SOX6: variants seen among roughly 807,000 people sequenced by gnomAD.
The protein encoded by SOX6 is SRY-box transcription factor 6.
A neutral mutation model predicts 97.8 loss-of-function variants in SOX6; 11 were observed. The ratio of observed to expected loss-of-function variants is 0.11; its 90% confidence interval spans 0.07 to 0.19. SOX6 has a LOEUF of 0.19. Ranked by LOEUF, SOX6 falls within the 10% of genes least tolerant of loss-of-function variation. SOX6 has a pLI of 1.00. For synonymous variants in SOX6, 360 were observed against 371.4 expected (o/e 0.97, Z 0.35); for missense variants, 810 against 1,039.5 (o/e 0.78, Z 3.04).
chr11:16,363,683 T>C (rs1161923237), intron 1 of SOX6, among the ~76,000 whole-genome samples: 1 of 152,180 alleles, frequency 6.6e-6, no homozygotes, highest in Non-Finnish European at 1.5e-5. Context: ...TAAAAGTCAG[T>C]ACTCCAACAG....
At chr11:16,163,294 G>A (rs1227316947) in intron 6 of SOX6, among the ~76,000 whole-genome samples, 1 of 152,106 alleles carries the variant, frequency 6.6e-6, no homozygotes, top group Non-Finnish European at 1.5e-5. Context: ...TGGTTGGTCT[G>A]AAAAAAGTTG....
At chr11:16,554,215 C>T (rs1218556784) in intron 4 of SOX6, among the ~76,000 whole-genome samples, 1 of 152,054 alleles carries the variant, frequency 6.6e-6, no homozygotes, top group Admixed American at 6.6e-5. Flanking sequence ...AACAAAAATG[C>T]TTAAAACCCT....
chr11:16,728,394 T>C (rs1848323631), intron 2 of SOX6, among the ~76,000 whole-genome samples: 1 of 152,110 alleles, frequency 6.6e-6, no homozygotes, highest in South Asian at 2.1e-4. Context: ...CAGGCAAAAG[T>C]CTTTGCTGTT....
intron 3 of SOX6, among the ~76,000 whole-genome samples, chr11:16,283,087 TTGTATATATATATA>T (rs1382324745): frequency 5.8e-5 from 1 of 17,214 alleles, no homozygotes; most frequent in African/African-American, 1.3e-4. Flanking sequence ...TATATATAAT[TTGTATATATATATA>T]TATATATATA....
At chr11:16,191,282 C>T (rs1358971025) in intron 4 of SOX6, among the ~76,000 whole-genome samples, 3 of 152,164 alleles carry the variant, frequency 2.0e-5, no homozygotes, top group African/African-American at 7.2e-5. Flanking sequence ...TAGTAAGAAC[C>T]TGTCTCTCCA....
chr11:16,198,339 G>A (rs985646158), intron 4 of SOX6, among the ~76,000 whole-genome samples: 1 of 149,964 alleles, frequency 6.7e-6, no homozygotes, highest in Admixed American at 6.7e-5. Context: ...GCCTCCCAAA[G>A]TGCCAGCCAA....
chr11:16,465,655 C>T (rs913225207), intron 1 of SOX6: 2 of 152,036 alleles, frequency 1.3e-5, no homozygotes, highest in Non-Finnish European at 2.9e-5. Flanking sequence ...TAATTATCTA[C>T]GATGTCAGGA....
intron 3 of SOX6, among the ~76,000 whole-genome samples, chr11:16,237,145 T>C (rs931288869): frequency 1.3e-5 from 2 of 151,998 alleles, no homozygotes; most frequent in Non-Finnish European, 2.9e-5. Context: ...CCAGGAAGAC[T>C]CGAACCTGTA....
chr11:16,555,780 C>T (rs1457141930), intron 4 of SOX6, among the ~76,000 whole-genome samples: 1 of 151,466 alleles, frequency 6.6e-6, no homozygotes, highest in Non-Finnish European at 1.5e-5. Flanking sequence ...AGCAGAAGTG[C>T]CTTCCACCAT....
intron 1 of SOX6, among the ~76,000 whole-genome samples, chr11:16,342,058 T>C (rs1856653705): frequency 1.3e-5 from 2 of 152,054 alleles, no homozygotes; most frequent in Admixed American, 6.6e-5. Flanking sequence ...AAATGCCTAC[T>C]GTGCATAATA....
intron 3 of SOX6, among the ~76,000 whole-genome samples, chr11:16,680,954 A>G (rs1303561571): frequency 6.6e-6 from 1 of 152,210 alleles, no homozygotes; most frequent in African/African-American, 2.4e-5. Context: ...CCAGATTCAT[A>G]AAAACAAGTC....
chr11:16,043,433 G>A (rs780534832), intron 12 of SOX6, among the ~76,000 whole-genome samples: 14 of 152,088 alleles, frequency 9.2e-5, no homozygotes, highest in African/African-American at 4.8e-5. Context: ...TAAATACCCC[G>A]TGACACATCG....
At position 15,972,577 on chromosome 11, in the gene SOX6, T is replaced by A. The variant is rs1435161445; in HGVS notation, c.*232A>T. 9.0e-6 allele frequency: 5 copies of A among 552,532 alleles called. No homozygotes were observed. Among genetic ancestry groups the A allele is most frequent in the Admixed American group, 3.3e-5 (1 of 30,644 alleles). The allele number at this position is 552,532 out of a possible 1,614,324, so 34.2% of individuals were successfully genotyped here. A position where few individuals can be genotyped will look rare whatever the true frequency, so the allele number is the denominator to read the frequency against. ...AAGTCCTGGTGTCTCATATTTAATATGTCTTCACCTAAATTAAAAAAACAA... is the reference window on the plus strand; with the variant it reads ...AAGTCCTGGTGTCTCATATTTAATAAGTCTTCACCTAAATTAAAAAAACAA... On this transcript the variant is annotated 3_prime_UTR_variant, in exon 16 of 16. Transcript: ENST00000683767.
At chr11:16,539,592 A>C (rs1312711867) in intron 4 of SOX6, among the ~76,000 whole-genome samples, 2 of 152,184 alleles carry the variant, frequency 1.3e-5, no homozygotes, top group Non-Finnish European at 2.9e-5. Context: ...ATAAAGAAGA[A>C]AAGAGAGAAG....
At chr11:16,474,751 G>A (rs957317450) in intron 1 of SOX6, among the ~76,000 whole-genome samples, 2 of 152,136 alleles carry the variant, frequency 1.3e-5, no homozygotes, top group African/African-American at 2.4e-5. Flanking sequence ...CATTGGCTTC[G>A]ACTTAAATTC....
At chr11:16,345,322 C>A (rs1856747629) in intron 1 of SOX6, among the ~76,000 whole-genome samples, 1 of 151,926 alleles carries the variant, frequency 6.6e-6, no homozygotes. Context: ...AATTATATAT[C>A]TTTGGGACAC....
chr11:16,426,562 T>G (rs1859140192), intron 1 of SOX6, among the ~76,000 whole-genome samples: 1 of 152,024 alleles, frequency 6.6e-6, no homozygotes, highest in African/African-American at 2.4e-5. Context: ...GGGGAAAGGA[T>G]TCCGTATTCA....
intron 1 of SOX6, among the ~76,000 whole-genome samples, chr11:16,370,157 A>G (rs1857463728): frequency 6.6e-6 from 1 of 152,034 alleles, no homozygotes; most frequent in Non-Finnish European, 1.5e-5. Context: ...AGCTTTTCCA[A>G]GCTTGTAGGT....
chr11:16,509,736 A>C (rs906698029), intron 4 of SOX6, among the ~76,000 whole-genome samples: 3 of 152,044 alleles, frequency 2.0e-5, no homozygotes, highest in African/African-American at 7.2e-5. Context: ...ATTGAGCAAT[A>C]AACAGCTCTT....
Sources: gnomAD v4.1 joint callset for allele counts (sites outside exome capture counted in the v4.1 genomes callset) on GRCh38, gnomAD v4.1.1 for gene constraint, MANE v1.5 for transcripts, NCBI Gene and HGNC (gene_info 2026-07-23, HGNC 2026-07-21) for gene names.